EPB41L3: variants seen among roughly 807,000 people sequenced by gnomAD.
EPB41L3 encodes the protein band 4.1-like protein 3.
Under a neutral mutation model 127.1 loss-of-function variants are expected in EPB41L3, and 57 were observed. That is an observed-to-expected ratio of 0.45 (90% CI 0.36 to 0.56). EPB41L3 has a LOEUF of 0.56. EPB41L3 is among the 20% of genes least tolerant of loss of function. The pLI is 0.00. For synonymous variants in EPB41L3, 572 were observed against 549.5 expected, an observed-to-expected ratio of 1.04 and a Z score of -0.57; for missense variants, 1,273 against 1,372.2, an observed-to-expected ratio of 0.93 and a Z score of 1.14.
chr18:5,543,588 G>A lies in EPB41L3; in HGVS notation c.-12+325C>T, dbSNP rs1326475104. Among the ~76,000 whole-genome samples the A allele has an allele frequency of 2.0e-5, 3 of 147,398 alleles. No homozygotes were observed. Among genetic ancestry groups the A allele is most frequent in the African/African-American group, 4.9e-5 (2 of 41,014 alleles). Reference sequence around the variant, plus strand: ...GGGGACCGAGTCGCCCCTTCGGCCAGGGATCCCAGGGAGGCCCCCAGGCCG... The same window carrying A: ...GGGGACCGAGTCGCCCCTTCGGCCAAGGATCCCAGGGAGGCCCCCAGGCCG... On this transcript the variant is annotated intron_variant, in intron 1 of 22. Coordinates refer to ENST00000341928, the MANE Select transcript of EPB41L3 (RefSeq NM_012307.5). The surrounding 1 kb of genome is among the most constrained non-coding windows in gnomAD (Gnocchi z 5.2).
upstream of EPB41L3, among the ~76,000 whole-genome samples, chr18:5,545,296 T>G (rs1188837601): frequency 6.6e-6 from 1 of 152,176 alleles, no homozygotes; most frequent in African/African-American, 2.4e-5. Flanking sequence ...AAAAATGGAT[T>G]CACAAAAATA....
chr18:5,622,132 T>TA (rs1354542780), intron 1 of EPB41L3, among the ~76,000 whole-genome samples: 1 of 152,218 alleles, frequency 6.6e-6, no homozygotes, highest in Non-Finnish European at 1.5e-5. Context: ...ATTTATTTTT[T>TA]AAATCATCAA....
intron 3 of EPB41L3, among the ~76,000 whole-genome samples, chr18:5,597,050 C>T (rs2094543400): frequency 6.6e-6 from 1 of 152,024 alleles, no homozygotes; most frequent in Non-Finnish European, 1.5e-5. Flanking sequence ...TTGCGACACC[C>T]CCATCTCTGA....
chr18:5,565,617 C>A, intron 3 of EPB41L3, among the ~76,000 whole-genome samples: 1 of 118,386 alleles, frequency 8.4e-6, no homozygotes, highest in African/African-American at 3.3e-5. Context: ...CCCCCTCCCC[C>A]CTCCCCCCAC....
At chr18:5,466,941 AATT>A (rs1187112036) in intron 3 of EPB41L3, among the ~76,000 whole-genome samples, 1 of 151,818 alleles carries the variant, frequency 6.6e-6, no homozygotes, top group Non-Finnish European at 1.5e-5. Context: ...CAATCCTGAA[AATT>A]ATAACCTGCC....
chr18:5,459,874 TAGA>T (rs1333498368), intron 3 of EPB41L3, among the ~76,000 whole-genome samples: 1 of 152,222 alleles, frequency 6.6e-6, no homozygotes, highest in Non-Finnish European at 1.5e-5. Context: ...AAATTATCTC[TAGA>T]AGATGACTTT....
At chr18:5,544,220 A>T, upstream of EPB41L3, 1 of 985,620 alleles carries the variant, frequency 1.0e-6, no homozygotes, top group Non-Finnish European at 1.2e-6. Context: ...GTCCTGGCGC[A>T]GGGTCAGGCT....
intron 8 of EPB41L3, chr18:5,429,458 G>A (rs1019554149): frequency 1.1e-4 from 16 of 152,220 alleles, no homozygotes; most frequent in African/African-American, 3.6e-4. Context: ...AGGCAGGATT[G>A]TAAGTGAGGT....
intron 16 of EPB41L3, chr18:5,400,902 G>A: frequency 1.1e-6 from 1 of 922,350 alleles, no homozygotes; most frequent in African/African-American, 1.7e-5. Context: ...AAAACTAAGA[G>A]CATTTTAATG....
Position 5,397,345 on chromosome 18 carries a change from C to A in EPB41L3, c.2554G>T (p.Val852Leu). The stretch of plus-strand genomic sequence containing the variant: ...TCCTCCACCAACACGGTCTCCTGCA[C>A]CACCTTCTCAGTGCTAAGCGGCAGG... ...HHLPLSTEKV[V>L]QETVLVEERR... Residue 852 changes from valine (V) to leucine (L), a missense_variant, in exon 18 of 23, where the codon GTG (valine) becomes TTG (leucine). Coordinates refer to ENST00000341928, the MANE Select transcript of EPB41L3 (RefSeq NM_012307.5). This position sits in a 1 kb window ranked among gnomAD's most constrained non-coding sequence, Gnocchi z 4.1. The A allele has an allele frequency of 6.2e-7, 1 of 1,614,092 alleles. No homozygotes were observed. Among genetic ancestry groups the A allele is most frequent in the Non-Finnish European group, 8.5e-7 (1 of 1,180,042 alleles).
chr18:5,575,949 A>G (rs2094333295), intron 3 of EPB41L3, among the ~76,000 whole-genome samples: 1 of 152,208 alleles, frequency 6.6e-6, no homozygotes, highest in Non-Finnish European at 1.5e-5. Flanking sequence ...CAAACTAAAC[A>G]ATATCTTTAC....
chr18:5,590,443 C>T (rs188326979), intron 3 of EPB41L3, among the ~76,000 whole-genome samples: 139 of 152,252 alleles, frequency 9.1e-4, no homozygotes, highest in African/African-American at 3.2e-3. Context: ...TCATACACTG[C>T]TGTCGAGGAT....
At chr18:5,420,726 A>C (rs2077373657) in intron 11 of EPB41L3, among the ~76,000 whole-genome samples, 1 of 152,222 alleles carries the variant, frequency 6.6e-6, no homozygotes, top group South Asian at 2.1e-4. Context: ...AAAAGTTGGT[A>C]CTCATTATTT....
At chr18:5,520,728 G>A (rs1343118488) in intron 1 of EPB41L3, among the ~76,000 whole-genome samples, 4 of 152,170 alleles carry the variant, frequency 2.6e-5, no homozygotes, top group Non-Finnish European at 5.9e-5. Flanking sequence ...CAGAGGCACT[G>A]CCAGGGAGAC....
At chr18:5,405,395 T>G (rs1371866497) in intron 16 of EPB41L3, among the ~76,000 whole-genome samples, 1 of 152,178 alleles carries the variant, frequency 6.6e-6, no homozygotes, top group African/African-American at 2.4e-5. Flanking sequence ...CAAAAACTAC[T>G]TTTGTTGAAA....
chr18:5,461,075 A>G (rs2083918938), intron 3 of EPB41L3, among the ~76,000 whole-genome samples: 1 of 152,174 alleles, frequency 6.6e-6, no homozygotes, highest in Non-Finnish European at 1.5e-5. Context: ...ATACTATTAA[A>G]GAAAGTTTTG....
chr18:5,407,626 C>T, intron 15 of EPB41L3, 75 bp downstream of exon 15: 1 of 1,491,402 alleles, frequency 6.7e-7, no homozygotes, highest in Non-Finnish European at 9.3e-7. Flanking sequence ...GATCTGAACG[C>T]TGTAGACAAA....
intron 3 of EPB41L3, among the ~76,000 whole-genome samples, chr18:5,561,176 AC>A (rs1241819998): frequency 6.6e-6 from 1 of 151,552 alleles, no homozygotes; most frequent in Non-Finnish European, 1.5e-5. Context: ...ACGGGGTTTC[AC>A]CGTATTAGCC....
intron 4 of EPB41L3, among the ~76,000 whole-genome samples, chr18:5,444,654 T>A (rs1828399903): frequency 6.6e-6 from 1 of 152,162 alleles, no homozygotes; most frequent in South Asian, 2.1e-4. Flanking sequence ...CATATTCTGA[T>A]TCAGAAACAT....
Sources: allele counts gnomAD v4.1 joint callset (sites outside exome capture counted in the v4.1 genomes callset), GRCh38; gene constraint gnomAD v4.1.1; non-coding constraint Gnocchi (gnomAD v3.1); transcripts MANE v1.5; gene names NCBI Gene and HGNC (gene_info 2026-07-23, HGNC 2026-07-21).